The following PRP4K variants were observed in gnomAD, a reference collection of about 807,000 sequenced individuals.
The protein encoded by PRP4K is pre-mRNA processing factor kinase PRP4K.
chr6:4,035,284 A>ATTTTTTTTTTTTTTTTTTTTTTTTTTTT, the PRP4K span, among the ~76,000 whole-genome samples: 6 of 58,800 alleles, frequency 1.0e-4, no homozygotes, highest in East Asian at 6.0e-4. Flanking sequence ...CGCCCGGCTA[A>ATTTTTTTTTTTTTTTTTTTTTTTTTTTT]TTTTTTTTTT....
the PRP4K span, chr6:4,047,312 C>T: frequency 7.2e-6 from 9 of 1,245,266 alleles, no homozygotes; most frequent in Non-Finnish European, 1.0e-5. Flanking sequence ...TGCGTATATA[C>T]ATATAGAGAA....
the PRP4K span, among the ~76,000 whole-genome samples, chr6:4,057,892 G>T: frequency 4.0e-5 from 6 of 151,716 alleles, no homozygotes; most frequent in African/African-American, 1.5e-4. Context: ...GTAGCTATAG[G>T]CATGAGCCAC....
chr6:4,057,038 A>T, the PRP4K span: 1 of 1,560,180 alleles, frequency 6.4e-7, no homozygotes, highest in Non-Finnish European at 8.6e-7. Flanking sequence ...GTTTTCAGTT[A>T]TAGGTAAAAG....
the PRP4K span, chr6:4,050,461 CTCTAT>C: frequency 3.0e-6 from 1 of 337,570 alleles, no homozygotes; most frequent in Non-Finnish European, 5.4e-6. Flanking sequence ...AACTCCTTCC[CTCTAT>C]TGTCTGTCTT....
At chr6:4,051,936 C>T in the PRP4K span, 6 of 1,426,296 alleles carry the variant, frequency 4.2e-6, no homozygotes, top group Non-Finnish European at 5.7e-6. Context: ...AATTTTACCC[C>T]AATTTTTTTT....
chr6:4,021,524 C>T, the PRP4K span: 1 of 1,554,878 alleles, frequency 6.4e-7, no homozygotes, highest in Non-Finnish European at 8.7e-7. Context: ...CGAGTGGGAG[C>T]TGCACGGGGT....
chr6:4,021,521 G>T, the PRP4K span: 2 of 1,556,782 alleles, frequency 1.3e-6, no homozygotes, highest in Non-Finnish European at 1.7e-6. Flanking sequence ...TGCCGAGTGG[G>T]AGCTGCACGG....
At chr6:4,030,059 C>T in the PRP4K span, among the ~76,000 whole-genome samples, 1 of 152,048 alleles carries the variant, frequency 6.6e-6, no homozygotes, top group Non-Finnish European at 1.5e-5. Context: ...TCTCCTGCCT[C>T]AGCCTCCCGA....
chr6:4,023,191 T>G, the PRP4K span, among the ~76,000 whole-genome samples: 1 of 152,228 alleles, frequency 6.6e-6, no homozygotes, highest in Non-Finnish European at 1.5e-5. Context: ...TCCCTGAATA[T>G]AGTGTCTACA....
the PRP4K span, among the ~76,000 whole-genome samples, chr6:4,025,672 C>T: frequency 2.0e-5 from 3 of 152,174 alleles, no homozygotes; most frequent in African/African-American, 7.2e-5. Flanking sequence ...ATTTCTAATT[C>T]CCAGAAGCTC....
At chr6:4,022,461 T>G in the PRP4K span, among the ~76,000 whole-genome samples, 61 of 150,574 alleles carry the variant, frequency 4.1e-4, 1 homozygote, top group Middle Eastern at 3.5e-3. Context: ...CCGTTTTTTT[T>G]TTTTGTTTTG....
At chr6:4,055,804 A>AT in the PRP4K span, among the ~76,000 whole-genome samples, 1 of 152,208 alleles carries the variant, frequency 6.6e-6, no homozygotes, top group African/African-American at 2.4e-5. Flanking sequence ...GGGATTTAAT[A>AT]TTTTTTAGAC....
chr6:4,056,773 G>A, the PRP4K span: 1 of 1,392,580 alleles, frequency 7.2e-7, no homozygotes, highest in African/African-American at 1.4e-5. Flanking sequence ...CTCCACCAAA[G>A]GCGAAATGAG....
chr6:4,028,718 A>G, the PRP4K span, among the ~76,000 whole-genome samples: 1 of 152,180 alleles, frequency 6.6e-6, no homozygotes, highest in South Asian at 2.1e-4. Flanking sequence ...GAAGTTGGCA[A>G]TGTGACATCC....
the PRP4K span, chr6:4,061,420 A>G: frequency 6.6e-6 from 1 of 152,662 alleles, no homozygotes; most frequent in African/African-American, 2.4e-5. Context: ...TATAGACTTT[A>G]TATACATTTT....
At chr6:4,061,935 C>T in the PRP4K span, 1 of 152,426 alleles carries the variant, frequency 6.6e-6, no homozygotes, top group Non-Finnish European at 1.5e-5. Context: ...AAGTTTTTGT[C>T]TTCAGTGCTG....
chr6:4,040,783 G>A, the PRP4K span: 28 of 1,613,524 alleles, frequency 1.7e-5, no homozygotes, highest in South Asian at 3.3e-5. Context: ...GACAGAGGTC[G>A]GAGGAGCAGA....
chr6:4,064,050 T>G, the PRP4K span: 1 of 152,178 alleles, frequency 6.6e-6, no homozygotes, highest in Admixed American at 6.5e-5. Flanking sequence ...TTCTTGAAGA[T>G]CATCAGAAAT....
chr6:4,024,320 A>G, the PRP4K span, among the ~76,000 whole-genome samples: 2 of 152,162 alleles, frequency 1.3e-5, no homozygotes, highest in Admixed American at 6.5e-5. Flanking sequence ...CCCAGGCAAC[A>G]TAGTGAGACC....
Sources: gnomAD v4.1 joint callset for allele counts (sites outside exome capture counted in the v4.1 genomes callset) on GRCh38, gnomAD v4.1.1 for gene constraint, MANE v1.5 for transcripts, NCBI Gene and HGNC (gene_info 2026-07-23, HGNC 2026-07-21) for gene names.